Variants in PPP4R1 observed in about 807,000 individuals in gnomAD.
PPP4R1 encodes serine/threonine-protein phosphatase 4 regulatory subunit 1.
PPP4R1 carries 42 observed loss-of-function variants against 111.2 expected under a neutral mutation model. The ratio of observed to expected loss-of-function variants is 0.38; its 90% CI spans 0.29 to 0.49. PPP4R1 has a LOEUF of 0.49. PPP4R1 is among the 20% of genes least tolerant of loss of function. The probability of loss-of-function intolerance (pLI) is 0.97; values close to 1 mark genes in which losing one functional copy is unlikely to be tolerated. For missense variants in PPP4R1, 1,012 were observed against 1,161.6 expected, an observed-to-expected ratio of 0.87 and a Z score of 1.87; for synonymous variants, 409 against 405.5, an observed-to-expected ratio of 1.01 and a Z score of -0.10.
chr18:9,557,967 T>C (rs941511471), intron 14 of PPP4R1, among the ~76,000 whole-genome samples: 6 of 152,208 alleles, frequency 3.9e-5, no homozygotes, highest in Non-Finnish European at 7.3e-5. Flanking sequence ...ACAATAAAAT[T>C]TGTTTTTAAG....
At chr18:9,613,484 C>T (rs572319838) in intron 2 of PPP4R1, 10 of 152,180 alleles carry the variant, frequency 6.6e-5, no homozygotes, top group Admixed American at 3.9e-4. Flanking sequence ...GAAACTTTGT[C>T]TTTTTAAAAA....
intron 16 of PPP4R1, chr18:9,551,725 C>T (rs1472297192): frequency 4.6e-5 from 7 of 152,308 alleles, no homozygotes; most frequent in African/African-American, 1.7e-4. Context: ...GAGAGGAGAA[C>T]TAATGCTCCT....
upstream of PPP4R1, chr18:9,614,918 C>T (rs1283502875): frequency 4.6e-5 from 7 of 151,604 alleles, no homozygotes; most frequent in South Asian, 8.3e-4. This position sits in a 1 kb window ranked among gnomAD's most constrained non-coding sequence, Gnocchi z 4.1. Flanking sequence ...GGCCCGGCCG[C>T]TTTATTGGGT....
intron 6 of PPP4R1, among the ~76,000 whole-genome samples, chr18:9,586,379 C>A (rs185546021): frequency 1.4e-3 from 206 of 151,950 alleles, no homozygotes; most frequent in African/African-American, 4.8e-3. Flanking sequence ...TTAGGCCAAG[C>A]CCAAAACTGA....
At chr18:9,555,168 T>C (rs144021837) in intron 15 of PPP4R1, among the ~76,000 whole-genome samples, 1 of 152,074 alleles carries the variant, frequency 6.6e-6, no homozygotes, top group African/African-American at 2.4e-5. Flanking sequence ...TTGGGCGTGG[T>C]GGTGCGCCTG....
At chr18:9,617,140 C>G (rs570793518), upstream of PPP4R1, 82 of 152,292 alleles carry the variant, frequency 5.4e-4, no homozygotes, top group African/African-American at 1.8e-3. Flanking sequence ...GCTTCACTTA[C>G]AATGCAGCTC....
intron 13 of PPP4R1, among the ~76,000 whole-genome samples, chr18:9,561,142 C>T (rs2145046898): frequency 6.6e-6 from 1 of 150,492 alleles, no homozygotes; most frequent in East Asian, 2.0e-4. Flanking sequence ...CTGCTTGAAC[C>T]CAGGAGGCGG....
chr18:9,583,637 G>A (rs571309210), intron 8 of PPP4R1, among the ~76,000 whole-genome samples: 1 of 152,250 alleles, frequency 6.6e-6, no homozygotes, highest in African/African-American at 2.4e-5. Flanking sequence ...AAAGTGCTAG[G>A]ATTACAGGTG....
chr18:9,589,323 T>C (rs1448580383), intron 4 of PPP4R1, among the ~76,000 whole-genome samples: 1 of 152,084 alleles, frequency 6.6e-6, no homozygotes, highest in Non-Finnish European at 1.5e-5. Context: ...AGACTAAAAA[T>C]GGGTAAATGA....
At position 9,595,133 on chromosome 18, in the gene PPP4R1, A is replaced by G. The variant is rs537139172; in HGVS notation, c.73T>C (p.Ser25Pro). Residue 25 changes from serine to proline, a missense_variant, in exon 3 of 20, where the codon TCA becomes CCA. Transcript: ENST00000400556. ...GGTATAATAATCACATCAGACTCTG[A>G]GCTGTAGTCATCCACACCAACTATC... ...ADGFGVDDYSSESDVIIIPSA... is the reference protein window; with the variant it reads ...ADGFGVDDYSPESDVIIIPSA... 3 of 1,613,930 alleles carry G rather than the reference A, an allele frequency of 1.9e-6. No individual in the cohort carries two copies. Among genetic ancestry groups the G allele is most frequent in the Non-Finnish European group, 2.5e-6 (3 of 1,179,874 alleles).
intron 6 of PPP4R1, 54 bp from the exon 7 acceptor site, chr18:9,584,882 G>T: frequency 7.5e-7 from 1 of 1,334,272 alleles, no homozygotes; most frequent in Non-Finnish European, 1.0e-6. Flanking sequence ...GCCTCTTTCA[G>T]TTAAATTAAA....
chr18:9,592,234 A>G (rs2067222999), intron 4 of PPP4R1, among the ~76,000 whole-genome samples: 1 of 152,066 alleles, frequency 6.6e-6, no homozygotes, highest in African/African-American at 2.4e-5. Flanking sequence ...TCTAGCCCTC[A>G]CCTAACTTAC....
chr18:9,570,271 C>T lies in PPP4R1; in HGVS notation c.1459G>A (p.Glu487Lys), dbSNP rs2066838812. The change falls in exon 11 of 20, where the codon GAA becomes AAA. Residue 487 changes from glutamate (E) to lysine (K), a missense_variant. By Grantham distance (56) the Glu-to-Lys change is moderately conservative. Around this residue, in one of 2 missense-constraint regions of PPP4R1, gnomAD observed 707 missense variants for 742.1 expected, o/e 0.95. Transcript: ENST00000400556. ...CTGGGCACAGGGCCCTCAGATTCTT[C>T]CTCTGGTCCCTCTGGGCTGGGTTTT... ...GGKPSPEGPE[E>K]ESEGPVPSSP... 1 of 1,611,600 alleles carries T rather than the reference C, an allele frequency of 6.2e-7. No homozygotes were observed. The highest frequency in any genetic ancestry group is 2.2e-5 in the East Asian group (1 of 44,846).
At chr18:9,582,940 C>T (rs867461910) in intron 9 of PPP4R1, among the ~76,000 whole-genome samples, 177 bp downstream of exon 9, 1 of 152,014 alleles carries the variant, frequency 6.6e-6, no homozygotes, top group African/African-American at 2.4e-5. Flanking sequence ...AAATTTTTGT[C>T]CTGTTACAAA....
chr18:9,591,205 A>C (rs555534483), intron 4 of PPP4R1, among the ~76,000 whole-genome samples: 1 of 151,970 alleles, frequency 6.6e-6, no homozygotes, highest in African/African-American at 2.4e-5. Context: ...AAAATTAGGC[A>C]GGCATGGTGG....
intron 18 of PPP4R1, 149 bp downstream of exon 18, chr18:9,549,903 T>C (rs1208981246): frequency 1.7e-6 from 2 of 1,187,036 alleles, no homozygotes; most frequent in African/African-American, 3.1e-5. Flanking sequence ...TGCCCAACAA[T>C]GGGGGCAGAT....
intron 4 of PPP4R1, chr18:9,590,091 A>C (rs1355173861): frequency 3.3e-5 from 5 of 152,204 alleles, no homozygotes; most frequent in African/African-American, 1.2e-4. Flanking sequence ...ACTGAAATAC[A>C]GACAGACATG....
At chr18:9,554,555 T>C (rs1371413414) in intron 15 of PPP4R1, among the ~76,000 whole-genome samples, 2 of 151,888 alleles carry the variant, frequency 1.3e-5, no homozygotes, top group African/African-American at 2.4e-5. Context: ...AATATGAAGT[T>C]AGTAATTTAA....
intron 3 of PPP4R1, 186 bp downstream of exon 3, chr18:9,594,832 A>T: frequency 1.7e-6 from 1 of 572,876 alleles, no homozygotes; most frequent in Non-Finnish European, 2.8e-6. Flanking sequence ...AGCATGTTGT[A>T]TGCTTACTAG....
Sources: allele counts gnomAD v4.1 joint callset (sites outside exome capture counted in the v4.1 genomes callset), GRCh38; gene constraint gnomAD v4.1.1; regional missense constraint gnomAD v4.1.1; non-coding constraint Gnocchi (gnomAD v3.1); transcripts MANE v1.5; gene names NCBI Gene and HGNC (gene_info 2026-07-23, HGNC 2026-07-21).